NETO1: variants seen among roughly 807,000 people sequenced by gnomAD.
NETO1 encodes the protein neuropilin and tolloid like 1.
NETO1 carries 26 observed loss-of-function variants against 61.3 expected under a neutral mutation model. The observed-to-expected ratio is 0.42, with a 90% CI of 0.31 to 0.59. NETO1 has a LOEUF of 0.59. NETO1 is among the 20% of genes least tolerant of loss of function. The pLI, the probability that NETO1 is intolerant of heterozygous loss-of-function variation, is 0.12. For synonymous variants in NETO1, 225 were observed against 225.8 expected (o/e 1.00, Z 0.03); for missense variants, 531 against 662.8 (o/e 0.80, Z 2.18).
rs375616662 is a variant in NETO1, at chr18:72,759,828, T to C, written c.869-3681A>G. ...ATTGTCCCTTATAAACCAGCTGCTT[T>C]ATTTCCTAGTGATTTCAAGGAAAGT... On this transcript the variant is annotated intron_variant, in intron 7 of 10. Transcript: ENST00000327305. Among the ~76,000 whole-genome samples the C allele has an allele frequency of 1.1e-4, 16 of 152,346 alleles. No individual in the cohort carries two copies. In the East Asian group the frequency reaches 2.9e-3, roughly 28 times the overall value.
chr18:72,790,862 C>T (rs1380374963), intron 6 of NETO1, among the ~76,000 whole-genome samples: 1 of 152,074 alleles, frequency 6.6e-6, no homozygotes, highest in Non-Finnish European at 1.5e-5. Context: ...TTGTGCTTGG[C>T]ACTGGGTATC....
At chr18:72,762,737 A>G (rs1463651287) in intron 7 of NETO1, among the ~76,000 whole-genome samples, 2 of 151,304 alleles carry the variant, frequency 1.3e-5, no homozygotes, top group Non-Finnish European at 3.0e-5. Flanking sequence ...AACTTACATC[A>G]GACTTCAGTG....
chr18:72,861,266 T>C (rs1007514905), intron 3 of NETO1, among the ~76,000 whole-genome samples: 2 of 152,228 alleles, frequency 1.3e-5, no homozygotes, highest in African/African-American at 4.8e-5. Flanking sequence ...GTCCAGCATG[T>C]TGAAGTTAAT....
In NETO1 at chr18:72,743,855, G is replaced by T. The variant is rs1489233670; in HGVS notation, c.*4324C>A. On this transcript the variant is annotated 3_prime_UTR_variant, in exon 11 of 11. Transcript: ENST00000327305. Reference sequence around the variant, plus strand: ...CAGTATCTGTGACTATTAAGAGAGGGCACAAAAACAATTTTTCAAAGAGCA... The same window carrying T: ...CAGTATCTGTGACTATTAAGAGAGGTCACAAAAACAATTTTTCAAAGAGCA... The T allele has an allele frequency of 6.6e-6, 1 of 152,058 alleles. No homozygotes were observed. Among genetic ancestry groups the T allele is most frequent in the Non-Finnish European group, 1.5e-5 (1 of 68,014 alleles). 9.4% of individuals were successfully genotyped at this position (152,058 alleles called of 1,614,324 possible).
intron 4 of NETO1, among the ~76,000 whole-genome samples, chr18:72,831,756 C>G (rs1235989943): frequency 1.3e-5 from 2 of 152,068 alleles, no homozygotes; most frequent in African/African-American, 4.8e-5. Flanking sequence ...CAAACATATT[C>G]CTCATTACGT....
At chr18:72,749,280 C>T (rs1185217351) in intron 9 of NETO1, among the ~76,000 whole-genome samples, 192 bp from the exon 10 acceptor site, 1 of 152,000 alleles carries the variant, frequency 6.6e-6, no homozygotes, top group Non-Finnish European at 1.5e-5. Flanking sequence ...AAGTATGTCA[C>T]GATTTATAAA....
intron 7 of NETO1, among the ~76,000 whole-genome samples, chr18:72,775,899 G>A (rs903514814): frequency 6.6e-6 from 1 of 151,740 alleles, no homozygotes; most frequent in Non-Finnish European, 1.5e-5. Flanking sequence ...TGAAATAGAC[G>A]CTCTCTAAAC....
At chr18:72,864,969 TA>T in intron 2 of NETO1, 24 bp from the exon 3 acceptor site, 7 of 1,562,702 alleles carry the variant, frequency 4.5e-6, no homozygotes, top group Non-Finnish European at 6.0e-6. Context: ...AAAAAAGTTT[TA>T]AAAAGAGCCA....
At chr18:72,811,932 G>A (rs546778749) in intron 4 of NETO1, among the ~76,000 whole-genome samples, 47 of 152,310 alleles carry the variant, frequency 3.1e-4, no homozygotes, top group African/African-American at 1.1e-3. Flanking sequence ...CAGTACCAGG[G>A]AGAGGACTCC....
At chr18:72,834,411 G>A in intron 4 of NETO1, 1 of 968,122 alleles carries the variant, frequency 1.0e-6, no homozygotes, top group Non-Finnish European at 1.2e-6. Flanking sequence ...GGGAGTATAA[G>A]AAAATTTCAC....
intron 8 of NETO1, 64 bp downstream of exon 8, chr18:72,755,970 T>C (rs2070769265): frequency 1.3e-6 from 1 of 788,126 alleles, no homozygotes; most frequent in Middle Eastern, 2.3e-4. Context: ...GATTGATACA[T>C]ATAAACTTCT....
chr18:72,851,003 T>G (rs778842576), intron 4 of NETO1, among the ~76,000 whole-genome samples: 1 of 152,198 alleles, frequency 6.6e-6, no homozygotes, highest in Non-Finnish European at 1.5e-5. Context: ...GTGTCTTTCC[T>G]GTGTACTGCT....
chr18:72,785,784 C>T (rs1236595840), intron 6 of NETO1, among the ~76,000 whole-genome samples: 1 of 152,164 alleles, frequency 6.6e-6, no homozygotes, highest in South Asian at 2.1e-4. Context: ...CCTTTATGAA[C>T]ATGACATTAG....
Position 72,750,580 on chromosome 18 carries a change from G to A in NETO1, c.1023C>T (p.Thr341=). Residue 341 remains threonine, a synonymous_variant, in exon 9 of 11, where the codon ACC becomes ACT. Coordinates refer to ENST00000327305, the MANE Select transcript of NETO1 (RefSeq NM_138966.5). ...AAGTCACGCCAATGACAGTCCCACT[G>A]GTGTTGGTCAGCTGGTCCAGCAGGC... The part of the protein sequence containing the change: ...KTSLLDQLTN[T]SGTVIGVTSC... 2 of 1,611,004 alleles carry A rather than the reference G, an allele frequency of 1.2e-6. No individual in the cohort carries two copies. The highest frequency in any genetic ancestry group is 1.7e-6 in the Non-Finnish European group (2 of 1,179,562).
At chr18:72,772,742 CAT>C (rs1491113242) in intron 7 of NETO1, among the ~76,000 whole-genome samples, 2 of 86,796 alleles carry the variant, frequency 2.3e-5, no homozygotes, top group Admixed American at 1.3e-4. Flanking sequence ...TACACACACA[CAT>C]CTCTCTATAT....
chr18:72,808,876 C>T (rs947111116), intron 4 of NETO1, among the ~76,000 whole-genome samples: 2 of 152,200 alleles, frequency 1.3e-5, no homozygotes, highest in African/African-American at 4.8e-5. Context: ...AGTGGAGGAT[C>T]CATCATGGGA....
chr18:72,823,798 G>A (rs72968318), intron 4 of NETO1, among the ~76,000 whole-genome samples: 14,459 of 152,120 alleles, frequency 0.095, 965 homozygotes, highest in African/African-American at 0.18. Context: ...ACATATCCAT[G>A]GGCACTCATT....
intron 7 of NETO1, among the ~76,000 whole-genome samples, chr18:72,767,715 T>TA (rs1229631068): frequency 8.6e-5 from 13 of 151,630 alleles, no homozygotes; most frequent in East Asian, 1.9e-4. Flanking sequence ...TCAAAAGCTT[T>TA]AAAAAAAACA....
intron 4 of NETO1, among the ~76,000 whole-genome samples, chr18:72,796,820 T>A (rs2072331657): frequency 6.6e-6 from 1 of 152,020 alleles, no homozygotes; most frequent in South Asian, 2.1e-4. Context: ...CTGTAAGCAA[T>A]CTCCATTTAA....
Sources: gnomAD v4.1 joint callset for allele counts (sites outside exome capture counted in the v4.1 genomes callset) on GRCh38, gnomAD v4.1.1 for gene constraint, MANE v1.5 for transcripts, NCBI Gene and HGNC (gene_info 2026-07-23, HGNC 2026-07-21) for gene names.